BOLL: variants seen among roughly 807,000 people sequenced by gnomAD.
BOLL encodes the protein protein boule-like.
BOLL carries 23 observed loss-of-function variants against 44.4 expected under a neutral mutation model. The ratio of observed to expected loss-of-function variants is 0.52; its 90% CI spans 0.37 to 0.73. The LOEUF is 0.73. Ranked by LOEUF, BOLL falls within the 30% of genes least tolerant of loss-of-function variation. The probability of loss-of-function intolerance (pLI) is 0.00; values close to 1 mark genes in which losing one functional copy is unlikely to be tolerated. For missense variants in BOLL, 287 were observed against 338.3 expected (o/e 0.85, Z 1.19); for synonymous variants, 97 against 110.8 (o/e 0.88, Z 0.78).
chr2:197,763,387 C>A (rs2106361998), intron 7 of BOLL, among the ~76,000 whole-genome samples: 1 of 148,988 alleles, frequency 6.7e-6, no homozygotes, highest in Admixed American at 6.8e-5. Flanking sequence ...AAGGCTGAGG[C>A]AGGAGAATGA....
chr2:197,742,485 T>TA (rs1200364644), intron 10 of BOLL, among the ~76,000 whole-genome samples: 1 of 152,132 alleles, frequency 6.6e-6, no homozygotes, highest in Non-Finnish European at 1.5e-5. Context: ...TATGCAGCCA[T>TA]AAAAAATGAT....
intron 2 of BOLL, 36 bp downstream of exon 2, chr2:197,781,686 G>GA (rs747022630): frequency 5.6e-6 from 8 of 1,435,958 alleles, no homozygotes; most frequent in Non-Finnish European, 7.4e-6. Context: ...GACTTCTAAT[G>GA]AAAAAATACA....
intron 7 of BOLL, among the ~76,000 whole-genome samples, chr2:197,758,029 A>G (rs1216719087): frequency 6.6e-6 from 1 of 152,200 alleles, no homozygotes; most frequent in East Asian, 1.9e-4. Flanking sequence ...GCACGTGGAG[A>G]AATTAGAACC....
chr2:197,773,767 A>G (rs1275698812), intron 5 of BOLL, among the ~76,000 whole-genome samples: 1 of 151,958 alleles, frequency 6.6e-6, no homozygotes, highest in Non-Finnish European at 1.5e-5. Flanking sequence ...TAAGCTGAGC[A>G]TAAGACAATA....
upstream of BOLL, chr2:197,785,453 G>T: frequency 1.1e-6 from 1 of 915,106 alleles, no homozygotes; most frequent in Non-Finnish European, 1.3e-6. This position sits in a 1 kb window ranked among gnomAD's most constrained non-coding sequence, Gnocchi z 6.7. Context: ...CACCCTGACT[G>T]GCTTGGGTGC....
chr2:197,749,496 T>C lies in BOLL; in HGVS notation c.730-6337A>G, dbSNP rs146752338. On this transcript the variant is annotated intron_variant, in intron 9 of 10. Coordinates refer to ENST00000392296, the MANE Select transcript of BOLL (RefSeq NM_033030.6). The stretch of plus-strand genomic sequence containing the variant: ...GAAGCTAAGAACCTTGATAAAAGGT[T>C]ACAGGAACTGCCAACTAGAATAGCT... 5.0e-3 allele frequency among the ~76,000 whole-genome samples: 756 copies of C among 152,112 alleles called. 2 individuals are homozygous for C. Among genetic ancestry groups the C allele is most frequent in the African/African-American group, 0.017 (716 of 41,510 alleles).
At chr2:197,764,406 G>A (rs547378925) in intron 7 of BOLL, among the ~76,000 whole-genome samples, 2 of 152,276 alleles carry the variant, frequency 1.3e-5, no homozygotes, top group Non-Finnish European at 2.9e-5. Flanking sequence ...GGAACTGGAG[G>A]TCATTACGTT....
chr2:197,751,292 A>G (rs1688238069), intron 9 of BOLL, among the ~76,000 whole-genome samples: 2 of 152,232 alleles, frequency 1.3e-5, no homozygotes, highest in South Asian at 4.1e-4. Context: ...AGAAATAACT[A>G]TATTAGAGCA....
intron 9 of BOLL, among the ~76,000 whole-genome samples, chr2:197,751,699 C>G (rs1290801109): frequency 6.6e-6 from 1 of 152,032 alleles, no homozygotes; most frequent in Non-Finnish European, 1.5e-5. Flanking sequence ...GATTCATAGC[C>G]GAATTCTACC....
At chr2:197,757,109 T>C (rs1688551261) in intron 8 of BOLL, among the ~76,000 whole-genome samples, 1 of 152,166 alleles carries the variant, frequency 6.6e-6, no homozygotes, top group East Asian at 1.9e-4. Flanking sequence ...TACACATTTA[T>C]AAAATGCTTT....
At position 197,785,190 on chromosome 2, in the gene BOLL, C is replaced by A. The variant is rs1310253450; in HGVS notation, c.-150G>T. ...ACTTGGGCACCGAAACGAGGATCCA[C>A]CCCCTCCCCACCAAAGTGCGGGAGG... On this transcript the variant is annotated 5_prime_UTR_variant, in exon 1 of 11. Transcript: ENST00000392296. The surrounding 1 kb of genome is among the most constrained non-coding windows in gnomAD (Gnocchi z 6.7). 1.0e-5 allele frequency: 10 copies of A among 985,800 alleles called. No individual in the cohort carries two copies. The African/African-American group carries it at 1.4e-4, about 14-fold the overall frequency. The allele number at this position is 985,800 out of a possible 1,614,324, so 61.1% of individuals were successfully genotyped here. A position where few individuals can be genotyped will look rare whatever the true frequency, so the allele number is the denominator to read the frequency against.
intron 9 of BOLL, among the ~76,000 whole-genome samples, chr2:197,751,403 C>T (rs184111646): frequency 8.6e-5 from 13 of 151,878 alleles, no homozygotes; most frequent in Admixed American, 2.0e-4. Flanking sequence ...ACTAGCCAGA[C>T]GGATAAAGAA....
intron 2 of BOLL, among the ~76,000 whole-genome samples, chr2:197,780,439 C>A (rs1260094209): frequency 6.6e-6 from 1 of 151,966 alleles, no homozygotes; most frequent in East Asian, 1.9e-4. Context: ...CCTAAAATAA[C>A]CTGGCCATAC....
chr2:197,769,333 T>A (rs1310608521), intron 6 of BOLL, among the ~76,000 whole-genome samples: 3 of 152,104 alleles, frequency 2.0e-5, no homozygotes, highest in Non-Finnish European at 2.9e-5. Flanking sequence ...TTGCCTCAAT[T>A]TCAGAGCCTG....
chr2:197,786,052 G>C, upstream of BOLL: 1 of 1,600,354 alleles, frequency 6.2e-7, no homozygotes, highest in South Asian at 1.1e-5. This position sits in a 1 kb window ranked among gnomAD's most constrained non-coding sequence, Gnocchi z 5.9. Context: ...GAAGCCTAAA[G>C]TTTGAAACCA....
intron 5 of BOLL, chr2:197,773,903 T>C (rs190712640): frequency 2.6e-5 from 9 of 343,000 alleles, no homozygotes; most frequent in African/African-American, 6.7e-5. Context: ...AAGTGGTTAG[T>C]TGGGACTCGG....
At chr2:197,754,175 T>C (rs931305188) in intron 9 of BOLL, among the ~76,000 whole-genome samples, 1 of 151,958 alleles carries the variant, frequency 6.6e-6, no homozygotes, top group Non-Finnish European at 1.5e-5. Context: ...TTAGGAGAAA[T>C]ACCTAATGTA....
chr2:197,733,622 C>A (rs1441462751), intron 10 of BOLL, among the ~76,000 whole-genome samples: 1 of 152,266 alleles, frequency 6.6e-6, no homozygotes, highest in East Asian at 1.9e-4. Context: ...AGATAGAGAC[C>A]AATGGAACAG....
chr2:197,768,755 A>G (rs1455903471), intron 6 of BOLL, among the ~76,000 whole-genome samples: 1 of 148,034 alleles, frequency 6.8e-6, no homozygotes, highest in Non-Finnish European at 1.5e-5. Flanking sequence ...CAAAGGGAAT[A>G]CTTCCAGTTT....
Sources: gnomAD v4.1 joint callset for allele counts (sites outside exome capture counted in the v4.1 genomes callset) on GRCh38, gnomAD v4.1.1 for gene constraint, Gnocchi (gnomAD v3.1) non-coding constraint, MANE v1.5 for transcripts, NCBI Gene and HGNC (gene_info 2026-07-23, HGNC 2026-07-21) for gene names.